The following COL23A1 variants were observed in gnomAD, a reference collection of about 807,000 sequenced individuals.
COL23A1 encodes collagen type XXIII alpha 1 chain.
Under a neutral mutation model 99.3 loss-of-function variants are expected in COL23A1, and 97 were observed. That is an observed-to-expected ratio of 0.98 (90% CI 0.83 to 1.16). The LOEUF (loss-of-function observed/expected upper bound fraction) is 1.16, where lower values mean the gene tolerates loss of function less well. Ranked by LOEUF, COL23A1 falls within the 50% of genes most tolerant of loss-of-function variation. The pLI is 0.00. For synonymous variants in COL23A1, 320 were observed against 308.2 expected, an observed-to-expected ratio of 1.04 and a Z score of -0.40; for missense variants, 762 against 757.4, an observed-to-expected ratio of 1.01 and a Z score of -0.07.
At chr5:178,257,452 G>T (rs980276734) in intron 13 of COL23A1, 71 bp downstream of exon 13, 1 of 1,514,788 alleles carries the variant, frequency 6.6e-7, no homozygotes, top group East Asian at 2.4e-5. Flanking sequence ...CCAGGGTAGG[G>T]ACTTCACCAG....
At chr5:178,316,349 G>A (rs1758983265) in intron 2 of COL23A1, among the ~76,000 whole-genome samples, 1 of 152,176 alleles carries the variant, frequency 6.6e-6, no homozygotes, top group South Asian at 2.1e-4. Context: ...AAAACGTAAG[G>A]TTGGAATGAC....
chr5:178,353,943 A>T (rs1277585710), intron 2 of COL23A1, among the ~76,000 whole-genome samples: 3 of 51,108 alleles, frequency 5.9e-5, no homozygotes, highest in Admixed American at 3.9e-4. Context: ...TTGAGTTAAA[A>T]AAAAAAAAAA....
intron 2 of COL23A1, among the ~76,000 whole-genome samples, chr5:178,345,467 T>G (rs1760910827): frequency 6.6e-6 from 1 of 150,864 alleles, no homozygotes; most frequent in Non-Finnish European, 1.5e-5. Context: ...TTTTTTTTTC[T>G]CATATTATGA....
intron 2 of COL23A1, among the ~76,000 whole-genome samples, chr5:178,504,154 CTTCT>C (rs775808803): frequency 6.6e-5 from 10 of 152,098 alleles, no homozygotes; most frequent in Non-Finnish European, 1.3e-4. Flanking sequence ...AGTCACATAT[CTTCT>C]TTGTTTTTCA....
chr5:178,361,713 C>T (rs559055820), intron 2 of COL23A1, among the ~76,000 whole-genome samples: 6 of 152,300 alleles, frequency 3.9e-5, no homozygotes, highest in Non-Finnish European at 7.3e-5. Context: ...CTGGGATCAC[C>T]GACTCCATGC....
intron 5 of COL23A1, among the ~76,000 whole-genome samples, chr5:178,272,787 C>T (rs1313961034): frequency 2.0e-5 from 3 of 151,960 alleles, no homozygotes; most frequent in Non-Finnish European, 2.9e-5. Context: ...TCCTCAAGGT[C>T]GCGTCCCACT....
intron 2 of COL23A1, among the ~76,000 whole-genome samples, chr5:178,543,337 C>A (rs1040180646): frequency 6.6e-6 from 1 of 152,138 alleles, no homozygotes; most frequent in Admixed American, 6.5e-5. Flanking sequence ...CAACTCCCAA[C>A]CTCAGGTGAT....
chr5:178,373,356 G>A (rs576652651), intron 2 of COL23A1, among the ~76,000 whole-genome samples: 3 of 152,308 alleles, frequency 2.0e-5, no homozygotes, highest in South Asian at 2.1e-4. Context: ...ACTGACTGCC[G>A]TTCTCAGTGC....
intron 2 of COL23A1, among the ~76,000 whole-genome samples, chr5:178,417,944 C>T (rs1581350002): frequency 6.6e-6 from 1 of 152,336 alleles, no homozygotes; most frequent in East Asian, 1.9e-4. Flanking sequence ...GTTTGTTTTT[C>T]AGTCCTGGGC....
intron 2 of COL23A1, among the ~76,000 whole-genome samples, chr5:178,317,917 G>A (rs1442973489): frequency 1.3e-5 from 2 of 152,136 alleles, no homozygotes; most frequent in Admixed American, 6.6e-5. Context: ...ATAAAACCAC[G>A]AGATCTCGAT....
At chr5:178,506,005 C>A (rs1054333206) in intron 2 of COL23A1, among the ~76,000 whole-genome samples, 1 of 152,164 alleles carries the variant, frequency 6.6e-6, no homozygotes, top group East Asian at 1.9e-4. Flanking sequence ...GCTGTTGGGG[C>A]CTTCAGACTA....
intron 13 of COL23A1, 28 bp from the exon 14 acceptor site, chr5:178,256,956 C>G (rs1222745276): frequency 6.2e-7 from 1 of 1,610,872 alleles, no homozygotes; most frequent in Non-Finnish European, 8.5e-7. Context: ...GCAGTGAGAG[C>G]AAGTGTGAGA....
intron 12 of COL23A1, 21 bp from the exon 13 acceptor site, chr5:178,257,588 G>A: frequency 2.6e-6 from 4 of 1,552,820 alleles, no homozygotes; most frequent in Non-Finnish European, 3.5e-6. Context: ...GACACCTGGG[G>A]CTTGCCGGTC....
At chr5:178,541,792 T>C (rs956795164) in intron 2 of COL23A1, among the ~76,000 whole-genome samples, 1 of 152,112 alleles carries the variant, frequency 6.6e-6, no homozygotes, top group African/African-American at 2.4e-5. Context: ...TGCAGCAACA[T>C]AGATGAATCT....
At chr5:178,328,064 C>T (rs1332574559) in intron 2 of COL23A1, among the ~76,000 whole-genome samples, 3 of 152,142 alleles carry the variant, frequency 2.0e-5, no homozygotes, top group African/African-American at 2.4e-5. Context: ...CTGTGGAGAG[C>T]GGCACGGTCC....
At position 178,562,736 on chromosome 5, in the gene COL23A1, T is replaced by C. The variant is rs195807; in HGVS notation, c.295-1988A>G. 3.7e-5 allele frequency: 4 copies of C among 106,826 alleles called. 1 individual carries two copies. Among genetic ancestry groups the C allele is most frequent in the Admixed American group, 3.7e-4 (4 of 10,702 alleles). 6.6% of individuals were successfully genotyped at this position (106,826 alleles called of 1,614,324 possible). A position where few individuals can be genotyped will look rare whatever the true frequency, so the allele number is the denominator to read the frequency against. On this transcript the variant is annotated intron_variant, in intron 1 of 28. Transcript: ENST00000390654. ...GCAGGTTGCTGCCGCTGGCTGGTGGTGGGGGGGGTGCGGGCTTTTATTCCG... is the reference window on the plus strand; with the variant it reads ...GCAGGTTGCTGCCGCTGGCTGGTGGCGGGGGGGGTGCGGGCTTTTATTCCG...
At chr5:178,501,883 C>G (rs2127985694) in intron 2 of COL23A1, among the ~76,000 whole-genome samples, 1 of 152,312 alleles carries the variant, frequency 6.6e-6, no homozygotes, top group Admixed American at 6.5e-5. Context: ...TTGCGGGGAG[C>G]CTGGACTTCC....
intron 2 of COL23A1, among the ~76,000 whole-genome samples, chr5:178,324,124 G>A (rs953888890): frequency 8.5e-5 from 13 of 152,106 alleles, no homozygotes; most frequent in African/African-American, 2.9e-4. Flanking sequence ...TGAGGGGTGT[G>A]GGTGGGCTGA....
At chr5:178,577,556 G>T (rs1474950501) in intron 1 of COL23A1, among the ~76,000 whole-genome samples, 4 of 152,194 alleles carry the variant, frequency 2.6e-5, no homozygotes, top group Non-Finnish European at 1.5e-5. Flanking sequence ...CTGGCGCGCG[G>T]GGCCTGGGGA....
Sources: allele counts gnomAD v4.1 joint callset (sites outside exome capture counted in the v4.1 genomes callset), GRCh38; gene constraint gnomAD v4.1.1; transcripts MANE v1.5; gene names NCBI Gene and HGNC (gene_info 2026-07-23, HGNC 2026-07-21).